The following CREBBP variants were observed in gnomAD, a reference collection of about 807,000 sequenced individuals.
CREBBP encodes CREB-binding protein.
CREBBP carries 19 observed loss-of-function variants against 265.0 expected under a neutral mutation model. The observed-to-expected ratio is 0.07, with a 90% CI of 0.05 to 0.11. CREBBP has a LOEUF of 0.11. CREBBP is among the 10% of genes least tolerant of loss of function. The pLI is 1.00. For missense variants in CREBBP, 2,525 were observed against 3,219.0 expected, an observed-to-expected ratio of 0.78 and a Z score of 5.22; for synonymous variants, 1,457 against 1,223.7, an observed-to-expected ratio of 1.19 and a Z score of -3.98.
At chr16:3,819,114 T>C (rs1380580328) in intron 2 of CREBBP, among the ~76,000 whole-genome samples, 1 of 152,260 alleles carries the variant, frequency 6.6e-6, no homozygotes, top group Non-Finnish European at 1.5e-5. Context: ...GGCAGCCCAA[T>C]GCCTCTTTCT....
intron 5 of CREBBP, among the ~76,000 whole-genome samples, chr16:3,789,379 T>C (rs1318315728): frequency 1.3e-5 from 2 of 152,220 alleles, no homozygotes; most frequent in Admixed American, 6.5e-5. Flanking sequence ...GTTCTTCCTT[T>C]GTTATTCTGT....
Position 3,731,087 on chromosome 16 carries a change from G to C in CREBBP, c.5172+105C>G, listed in dbSNP as rs1353384117. 3.3e-6 allele frequency: 4 copies of C among 1,204,834 alleles called. No individual in the cohort carries two copies. The highest frequency in any genetic ancestry group is 2.3e-5 in the East Asian group (1 of 42,784). The allele number at this position is 1,204,834 out of a possible 1,614,324, so 74.6% of individuals were successfully genotyped here. A position where few individuals can be genotyped will look rare whatever the true frequency, so the allele number is the denominator to read the frequency against. On this transcript the variant is annotated intron_variant, in intron 30 of 30. Transcript: ENST00000262367. The surrounding 1 kb of genome is among the most constrained non-coding windows in gnomAD (Gnocchi z 7.7). ...TCCTAGTTCTGGAGGAGTCAGTGCA[G>C]CCACCATCAGGTACAGACACCAACC...
chr16:3,776,928 G>A (rs1173284996), intron 11 of CREBBP, among the ~76,000 whole-genome samples: 2 of 152,182 alleles, frequency 1.3e-5, no homozygotes, highest in African/African-American at 4.8e-5. Context: ...TGAGGCAGGA[G>A]AATGGCATGA....
At chr16:3,866,543 AAAAAT>A (rs1439271685) in intron 1 of CREBBP, among the ~76,000 whole-genome samples, 1 of 152,214 alleles carries the variant, frequency 6.6e-6, no homozygotes, top group Non-Finnish European at 1.5e-5. Context: ...TCACAAATAT[AAAAAT>A]AAAACAATAC....
intron 30 of CREBBP, among the ~76,000 whole-genome samples, chr16:3,730,257 C>T (rs1441175180): frequency 6.6e-6 from 1 of 152,224 alleles, no homozygotes; most frequent in African/African-American, 2.4e-5. Context: ...TTCCTTCCGA[C>T]TTCCTCTGAC....
intron 5 of CREBBP, among the ~76,000 whole-genome samples, chr16:3,788,162 G>C (rs1371615885): frequency 2.6e-5 from 4 of 152,118 alleles, no homozygotes; most frequent in African/African-American, 9.7e-5. Context: ...ACAGTCCCTG[G>C]GGGACTCTAG....
chr16:3,770,231 G>T (rs2052966591), intron 14 of CREBBP, among the ~76,000 whole-genome samples: 1 of 151,872 alleles, frequency 6.6e-6, no homozygotes, highest in East Asian at 1.9e-4. Context: ...GCCCAGGCTG[G>T]AGTACAGTGG....
chr16:3,830,118 T>A (rs1404962170), intron 2 of CREBBP, among the ~76,000 whole-genome samples: 1 of 152,144 alleles, frequency 6.6e-6, no homozygotes, highest in Non-Finnish European at 1.5e-5. Flanking sequence ...AAGAGTGGGC[T>A]GGGTGTGGTG....
chr16:3,774,852 C>A, intron 11 of CREBBP, 159 bp from the exon 12 acceptor site: 1 of 957,492 alleles, frequency 1.0e-6, no homozygotes, highest in Non-Finnish European at 1.6e-6. Context: ...GATGAAGGAA[C>A]AGACTTCTCC....
intron 1 of CREBBP, among the ~76,000 whole-genome samples, chr16:3,879,024 C>T (rs1372350993): frequency 2.2e-4 from 2 of 9,012 alleles, no homozygotes; most frequent in Admixed American, 3.7e-3. Context: ...GGAATTCCTA[C>T]ATTCCTTAAT....
intron 13 of CREBBP, among the ~76,000 whole-genome samples, chr16:3,772,975 G>C (rs2053050509): frequency 6.6e-6 from 1 of 150,774 alleles, no homozygotes; most frequent in East Asian, 1.9e-4. Flanking sequence ...GTAACCCCAG[G>C]TACTTGGCAG....
chr16:3,780,592 C>G, intron 8 of CREBBP, 140 bp downstream of exon 8: 1 of 877,052 alleles, frequency 1.1e-6, no homozygotes, highest in South Asian at 1.5e-5. Context: ...CTAGGGCTGC[C>G]AGAACTCTAC....
chr16:3,866,197 T>G (rs2055176038), intron 1 of CREBBP, among the ~76,000 whole-genome samples: 1 of 152,212 alleles, frequency 6.6e-6, no homozygotes, highest in African/African-American at 2.4e-5. Context: ...TAAAGGGATG[T>G]GACAATCGAC....
chr16:3,849,431 GTGTGTGTGTGTGTGTGTGTGTGT>G (rs1567360233), intron 2 of CREBBP, among the ~76,000 whole-genome samples: 811 of 14,350 alleles, frequency 0.057, 44 homozygotes, highest in Middle Eastern at 0.15. Context: ...GTGTGTGTGT[GTGTGTGTGTGTGTGTGTGTGTGT>G]GTGTGTGTGT....
intron 12 of CREBBP, 65 bp downstream of exon 12, chr16:3,774,504 C>T (rs947875838): frequency 1.2e-6 from 2 of 1,606,742 alleles, no homozygotes; most frequent in African/African-American, 2.7e-5. Context: ...ATGAATTCTG[C>T]TGCTTAGATA....
chr16:3,879,988 G>T lies in CREBBP; in HGVS notation c.-72C>A, dbSNP rs770432860. ...GCGAGGGCCCGGACGGGGGTCGGGGGCCCTGCCGGCTGCGAGGGAGAGGAG... is the reference window on the plus strand; with the variant it reads ...GCGAGGGCCCGGACGGGGGTCGGGGTCCCTGCCGGCTGCGAGGGAGAGGAG... On this transcript the variant is annotated 5_prime_UTR_variant, in exon 1 of 31. Coordinates refer to ENST00000262367, the MANE Select transcript of CREBBP (RefSeq NM_004380.3). 11 of 1,453,668 alleles carry T rather than the reference G, an allele frequency of 7.6e-6. No homozygotes were observed. In the South Asian group the frequency reaches 1.2e-4, roughly 16 times the overall value. The allele number at this position is 1,453,668 out of a possible 1,614,324, so 90.0% of individuals were successfully genotyped here.
rs2141233664 is a variant in CREBBP at position 3,778,094 on chromosome 16, C to A, written c.2030G>T (p.Gly677Val). 6.2e-7 allele frequency: 1 copy of A among 1,614,146 alleles called. No homozygotes were observed. Among genetic ancestry groups the A allele is most frequent in the East Asian group, 2.2e-5 (1 of 44,888 alleles). ...EKRRSRLHKQGILGNQPALPA... is the reference protein window; with the variant it reads ...EKRRSRLHKQVILGNQPALPA... ...TAAGGCTGGCTGGTTCCCCAAGATG[C>A]CTTGTTTATGTAAACGCGACCTCCG... Residue 677 changes from glycine to valine, a missense_variant, in exon 10 of 31, where the codon GGC becomes GTC. This residue lies in a region of CREBBP where 548 missense variants were observed against 533.0 expected (regional missense o/e 1.03). Transcript: ENST00000262367.
At chr16:3,825,246 A>G (rs2141393045) in intron 2 of CREBBP, among the ~76,000 whole-genome samples, 1 of 152,316 alleles carries the variant, frequency 6.6e-6, no homozygotes, top group African/African-American at 2.4e-5. Flanking sequence ...TTCATTCTTC[A>G]TTACTTGGTA....
At position 3,770,551 on chromosome 16, in the gene CREBBP, CAG is replaced by C. The variant is rs771245195; in HGVS notation, c.2880+17_2880+18del. ...TCTAAGAGTCTTGGCCCAAAAACAG[CAG>C]AGACAGAGAGGCTTACCGGTGTGCC... On this transcript the variant is annotated intron_variant, in intron 14 of 30. Coordinates refer to ENST00000262367, the MANE Select transcript of CREBBP (RefSeq NM_004380.3). The C allele has an allele frequency of 2.4e-5, 38 of 1,611,122 alleles. No individual in the cohort carries two copies. The highest frequency in any genetic ancestry group is 3.1e-5 in the Non-Finnish European group (37 of 1,179,738).
Sources: gnomAD v4.1 joint callset for allele counts (sites outside exome capture counted in the v4.1 genomes callset) on GRCh38, gnomAD v4.1.1 for gene constraint, gnomAD v4.1.1 regional missense constraint, Gnocchi (gnomAD v3.1) non-coding constraint, MANE v1.5 for transcripts, NCBI Gene and HGNC (gene_info 2026-07-23, HGNC 2026-07-21) for gene names.